Variants in IMMT observed in about 807,000 individuals in gnomAD.
The protein encoded by IMMT is MICOS complex subunit MIC60.
A neutral mutation model predicts 92.7 loss-of-function variants in IMMT; 40 were observed. The ratio of observed to expected loss-of-function variants is 0.43; its 90% CI spans 0.34 to 0.56. The LOEUF is 0.56. Ranked by LOEUF, IMMT falls within the 20% of genes least tolerant of loss-of-function variation. IMMT has a pLI of 0.03. For missense variants in IMMT, 831 were observed against 912.1 expected (o/e 0.91, Z 1.14); for synonymous variants, 322 against 336.1 (o/e 0.96, Z 0.46).
chr2:86,145,919 ACTTT>A, intron 14 of IMMT, 145 bp downstream of exon 14: 6 of 553,864 alleles, frequency 1.1e-5, no homozygotes, highest in Non-Finnish European at 1.8e-5. Context: ...TTTTGCCATT[ACTTT>A]TAATGGCAAA....
chr2:86,186,932 T>C (rs1672814447), intron 1 of IMMT, among the ~76,000 whole-genome samples: 2 of 152,184 alleles, frequency 1.3e-5, no homozygotes, highest in African/African-American at 4.8e-5. Flanking sequence ...CTTGGGCCAA[T>C]GGAAGCCTCT....
chr2:86,167,485 T>G (rs1284509088), intron 6 of IMMT, among the ~76,000 whole-genome samples: 3 of 3,448 alleles, frequency 8.7e-4, no homozygotes, highest in African/African-American at 1.0e-3. Flanking sequence ...TTGTTTTTTG[T>G]TTTTTTTTTT....
chr2:86,172,213 T>G (rs1677144364), intron 4 of IMMT, among the ~76,000 whole-genome samples: 1 of 152,022 alleles, frequency 6.6e-6, no homozygotes, highest in African/African-American at 2.4e-5. Flanking sequence ...CAAGTGATCC[T>G]CCCTCCTCGG....
At chr2:86,189,153 ATATGT>A (rs957186913) in intron 1 of IMMT, among the ~76,000 whole-genome samples, 2 of 152,220 alleles carry the variant, frequency 1.3e-5, no homozygotes, top group Non-Finnish European at 2.9e-5. Context: ...CTGTCTAGAC[ATATGT>A]TATAAGGTTA....
chr2:86,190,986 T>C (rs1452061455), intron 1 of IMMT, among the ~76,000 whole-genome samples: 2 of 151,870 alleles, frequency 1.3e-5, no homozygotes, highest in African/African-American at 4.8e-5. Flanking sequence ...AGGTAGATAC[T>C]ATCTGTGATG....
At chr2:86,166,754 A>G in intron 6 of IMMT, 110 bp from the exon 7 acceptor site, 1 of 1,057,274 alleles carries the variant, frequency 9.5e-7, no homozygotes, top group Non-Finnish European at 1.3e-6. Context: ...AAAAATTTAA[A>G]AAGGAACAAA....
chr2:86,152,693 G>A (rs1477832558), intron 11 of IMMT, among the ~76,000 whole-genome samples: 3 of 151,836 alleles, frequency 2.0e-5, no homozygotes, highest in Admixed American at 6.6e-5. Flanking sequence ...CCCAGGAGGC[G>A]AAGATTGCAG....
chr2:86,169,806 C>T (rs563744684), intron 6 of IMMT, among the ~76,000 whole-genome samples: 2 of 148,884 alleles, frequency 1.3e-5, no homozygotes, highest in African/African-American at 5.2e-5. Context: ...AATCCCAGCA[C>T]TTTGGGAGGC....
intron 11 of IMMT, among the ~76,000 whole-genome samples, chr2:86,152,232 G>A (rs981076239): frequency 2.6e-5 from 4 of 152,060 alleles, no homozygotes; most frequent in African/African-American, 9.7e-5. Flanking sequence ...CCTGAGGTCA[G>A]GAGTTCGAGA....
At chr2:86,174,917 T>A (rs1051823198) in intron 3 of IMMT, among the ~76,000 whole-genome samples, 2 of 152,200 alleles carry the variant, frequency 1.3e-5, no homozygotes, top group Non-Finnish European at 2.9e-5. Flanking sequence ...TGAACATCCA[T>A]CCCTGTCCAT....
intron 1 of IMMT, chr2:86,194,908 A>G (rs1673422589): frequency 5.3e-6 from 1 of 187,516 alleles, no homozygotes; most frequent in Non-Finnish European, 1.2e-5. Flanking sequence ...GACTCTCGCT[A>G]GAAGTCCAGG....
chr2:86,164,689 C>CAAAAAAAAAAAAAAAAAAAAA (rs56964046), intron 7 of IMMT, among the ~76,000 whole-genome samples: 6 of 111,440 alleles, frequency 5.4e-5, no homozygotes, highest in African/African-American at 1.5e-4. Flanking sequence ...GACTCTGTCT[C>CAAAAAAAAAAAAAAAAAAAAA]AAAAAAAAAA....
At chr2:86,174,582 T>C (rs1401856880) in intron 3 of IMMT, among the ~76,000 whole-genome samples, 2 of 152,226 alleles carry the variant, frequency 1.3e-5, no homozygotes, top group African/African-American at 2.4e-5. Flanking sequence ...CACTGCTCCT[T>C]TCCCTTTCCA....
At chr2:86,181,412 G>A (rs1218327110) in intron 1 of IMMT, 40 bp from the exon 2 acceptor site, 1 of 1,416,646 alleles carries the variant, frequency 7.1e-7, no homozygotes, top group Non-Finnish European at 1.0e-6. Context: ...ACAGTTAAAG[G>A]AAACTGGTAA....
chr2:86,191,843 A>T (rs1178901303), intron 1 of IMMT, among the ~76,000 whole-genome samples: 1 of 150,136 alleles, frequency 6.7e-6, no homozygotes, highest in Non-Finnish European at 1.5e-5. Context: ...TGAACCCGGG[A>T]GGCGGAGCTT....
chr2:86,179,520 A>C lies in IMMT; in HGVS notation c.222T>G (p.Ser74Arg). 6.2e-7 allele frequency: 1 copy of C among 1,613,396 alleles called. No individual in the cohort carries two copies. Among genetic ancestry groups the C allele is most frequent in the Non-Finnish European group, 8.5e-7 (1 of 1,179,650 alleles). Residue 74 changes from serine (S) to arginine (R), a missense_variant, in exon 3 of 15, where the codon AGT becomes AGG. Coordinates refer to ENST00000410111, the MANE Select transcript of IMMT (RefSeq NM_006839.3). ...YAKWDSHFRE[S>R]VEKTIPYSDK... ...CTGAGTAAGGTATGGTTTTCTCTAC[A>C]CTTTCCCGGAAATGGGAATCCCATT...
chr2:86,152,457 A>AAAAAAAG (rs1242798734), intron 11 of IMMT, among the ~76,000 whole-genome samples: 1 of 149,710 alleles, frequency 6.7e-6, no homozygotes. Flanking sequence ...AAAAAAAAAA[A>AAAAAAAG]AGAGAGAATT....
intron 10 of IMMT, chr2:86,158,304 T>C: frequency 4.6e-6 from 1 of 217,218 alleles, no homozygotes; most frequent in South Asian, 1.1e-4. Context: ...TTTTGTTCAC[T>C]CAAATTCCAA....
At chr2:86,192,093 G>A (rs887053610) in intron 1 of IMMT, among the ~76,000 whole-genome samples, 11 of 152,048 alleles carry the variant, frequency 7.2e-5, no homozygotes, top group Non-Finnish European at 1.3e-4. Flanking sequence ...CATTGGCTGG[G>A]CATGGTGGCA....
Sources: gnomAD v4.1 joint callset for allele counts (sites outside exome capture counted in the v4.1 genomes callset) on GRCh38, gnomAD v4.1.1 for gene constraint, MANE v1.5 for transcripts, NCBI Gene and HGNC (gene_info 2026-07-23, HGNC 2026-07-21) for gene names.